Variants in PPP1R3B observed in about 807,000 individuals in gnomAD.
PPP1R3B encodes protein phosphatase 1 regulatory subunit 3B.
PPP1R3B carries 8 observed loss-of-function variants against 14.6 expected under a neutral mutation model. The observed-to-expected ratio is 0.55, with a 90% CI of 0.32 to 0.99. The LOEUF is 0.99. Among genes scored for constraint, PPP1R3B ranks in the 50% least tolerant of loss-of-function variants. PPP1R3B has a pLI of 0.04. For missense variants in PPP1R3B, 452 were observed against 360.1 expected (o/e 1.26, Z -2.07); for synonymous variants, 169 against 142.0 (o/e 1.19, Z -1.35).
rs1391328854 is a variant in PPP1R3B, at chr8:9,141,113, A to C, written c.539T>G (p.Val180Gly). The C allele has an allele frequency of 2.5e-6, 4 of 1,614,216 alleles. No individual in the cohort carries two copies. The highest frequency in any genetic ancestry group is 1.3e-5 in the African/African-American group (1 of 75,050). Reference sequence around the variant, plus strand: ...GTCTGAACCGGCATAAGTGTCCTTCACGTACTGACAAGGAAAGTCTGTGTA... The same window carrying C: ...GTCTGAACCGGCATAAGTGTCCTTCCCGTACTGACAAGGAAAGTCTGTGTA... ...KSYTDFPCQY[V>G]KDTYAGSDRD... Residue 180 changes from valine to glycine, a missense_variant, in exon 2 of 2, where the codon GTG (valine) becomes GGG (glycine). Val to Gly is a moderately radical substitution (Grantham distance 109). Coordinates refer to ENST00000310455, the MANE Select transcript of PPP1R3B (RefSeq NM_024607.4).
In PPP1R3B at chr8:9,136,568, T is replaced by C. The variant is rs1800895955; in HGVS notation, c.*4226A>G. On this transcript the variant is annotated 3_prime_UTR_variant, in exon 2 of 2. Coordinates refer to ENST00000310455, the MANE Select transcript of PPP1R3B (RefSeq NM_024607.4). ...AACAAGACTAAAAACATTCACGGCT[T>C]TACAATGTGGGTTACAGAGCTTTAC... 1 of 152,214 alleles carries C rather than the reference T, an allele frequency of 6.6e-6. No homozygotes were observed. Among genetic ancestry groups the C allele is most frequent in the South Asian group, 2.1e-4 (1 of 4,834 alleles). The allele number at this position is 152,214 out of a possible 1,614,324, so 9.4% of individuals were successfully genotyped here.
rs1340956116 is a variant in PPP1R3B, at chr8:9,137,977, A to C, written c.*2817T>G. The C allele has an allele frequency of 6.6e-6, 1 of 152,164 alleles. No homozygotes were observed. Among genetic ancestry groups the C allele is most frequent in the Non-Finnish European group, 1.5e-5 (1 of 68,028 alleles). 9.4% of individuals were successfully genotyped at this position (152,164 alleles called of 1,614,324 possible). A position where few individuals can be genotyped will look rare whatever the true frequency, so the allele number is the denominator to read the frequency against. On this transcript the variant is annotated 3_prime_UTR_variant, in exon 2 of 2. Coordinates refer to ENST00000310455, the MANE Select transcript of PPP1R3B (RefSeq NM_024607.4). ...CCATATTTCAAATTTTGACATGGGA[A>C]TGTCTTAAGATCATTATTAGATAAA...
At chr8:9,145,686 G>A (rs931858273) in intron 1 of PPP1R3B, among the ~76,000 whole-genome samples, 2 of 152,052 alleles carry the variant, frequency 1.3e-5, no homozygotes, top group Non-Finnish European at 2.9e-5. Flanking sequence ...AAAGACTAGA[G>A]ATATATATTT....
rs1335650360 is a variant in PPP1R3B, at chr8:9,136,326, C to T, written c.*4468G>A. ...CCAACCTCTCATACCACACAAAGAACATCCATTCTTGGGATTTTTAAAGTG... is the reference window on the plus strand; with the variant it reads ...CCAACCTCTCATACCACACAAAGAATATCCATTCTTGGGATTTTTAAAGTG... On this transcript the variant is annotated 3_prime_UTR_variant, in exon 2 of 2. Transcript: ENST00000310455. The T allele has an allele frequency of 6.6e-6, 1 of 152,212 alleles. No individual in the cohort carries two copies. Among genetic ancestry groups the T allele is most frequent in the African/African-American group, 2.4e-5 (1 of 41,458 alleles). The allele number at this position is 152,212 out of a possible 1,614,324, so 9.4% of individuals were successfully genotyped here.
chr8:9,142,906 C>T (rs1313671537), intron 1 of PPP1R3B, among the ~76,000 whole-genome samples: 1 of 152,198 alleles, frequency 6.6e-6, no homozygotes, highest in Non-Finnish European at 1.5e-5. Flanking sequence ...ATTCACTCAT[C>T]CAATGATGGG....
In PPP1R3B at chr8:9,138,371, A is replaced by G. The variant is rs1016669754; in HGVS notation, c.*2423T>C. ...AGAGTGTTACCCACCTGGGAGAGGTACAAAAAACAAAGCATTAGATTTCAG... is the reference window on the plus strand; with the variant it reads ...AGAGTGTTACCCACCTGGGAGAGGTGCAAAAAACAAAGCATTAGATTTCAG... On this transcript the variant is annotated 3_prime_UTR_variant, in exon 2 of 2. Coordinates refer to ENST00000310455, the MANE Select transcript of PPP1R3B (RefSeq NM_024607.4). The G allele has an allele frequency of 5.3e-5, 8 of 152,250 alleles. No individual in the cohort carries two copies. The highest frequency in any genetic ancestry group is 1.9e-4 in the African/African-American group (8 of 41,450). The allele number at this position is 152,250 out of a possible 1,614,324, so 9.4% of individuals were successfully genotyped here.
rs968321631 is a variant in PPP1R3B at position 9,136,761 on chromosome 8, G to C, written c.*4033C>G. ...TCTCCGATTTCAGTGAACATGTCAG[G>C]AGAGACGTGATCGGGACTCTCCCAG... On this transcript the variant is annotated 3_prime_UTR_variant, in exon 2 of 2. Coordinates refer to ENST00000310455, the MANE Select transcript of PPP1R3B (RefSeq NM_024607.4). The C allele has an allele frequency of 6.6e-6, 1 of 152,202 alleles. No individual in the cohort carries two copies. The highest frequency in any genetic ancestry group is 1.5e-5 in the Non-Finnish European group (1 of 68,034). 9.4% of individuals were successfully genotyped at this position (152,202 alleles called of 1,614,324 possible).
chr8:9,143,378 G>C (rs1801147544), intron 1 of PPP1R3B, among the ~76,000 whole-genome samples: 2 of 152,142 alleles, frequency 1.3e-5, no homozygotes, highest in South Asian at 4.1e-4. Flanking sequence ...GTTTATGGTA[G>C]GTTTTTAAAT....
chr8:9,146,761 C>A (rs1359149648), intron 1 of PPP1R3B, among the ~76,000 whole-genome samples: 1 of 151,990 alleles, frequency 6.6e-6, no homozygotes, highest in Non-Finnish European at 1.5e-5. Flanking sequence ...ATGATCTGTT[C>A]TTATAGCCAC....
At chr8:9,145,800 C>T (rs1801224090) in intron 1 of PPP1R3B, among the ~76,000 whole-genome samples, 1 of 152,124 alleles carries the variant, frequency 6.6e-6, no homozygotes, top group Non-Finnish European at 1.5e-5. Flanking sequence ...ACAAAATGAA[C>T]CTAAAAAAAA....
chr8:9,140,941 T>A lies in PPP1R3B; in HGVS notation c.711A>T (p.Leu237Phe), dbSNP rs1163537922. The change falls in exon 2 of 2, where the codon TTA (leucine) becomes TTT (phenylalanine). Residue 237 changes from leucine (L) to phenylalanine (F), a missense_variant. Physicochemically the swap from Leu to Phe is conservative, Grantham distance 22 (BLOSUM62 0). Transcript: ENST00000310455. The stretch of plus-strand genomic sequence containing the variant: ...GCTTGGTCATTCCCTGGGTAGATTT[T>A]AACTCAGCCCGGATGATCCTATAGT... ...GKNYRIIRAE[L>F]KSTQGMTKPH... is the part of the protein sequence containing the mutation. The A allele has an allele frequency of 6.2e-7, 1 of 1,614,116 alleles. No individual in the cohort carries two copies. The highest frequency in any genetic ancestry group is 1.3e-5 in the African/African-American group (1 of 74,942).
At chr8:9,144,635 G>A (rs182900383) in intron 1 of PPP1R3B, among the ~76,000 whole-genome samples, 67 of 152,310 alleles carry the variant, frequency 4.4e-4, no homozygotes, top group African/African-American at 1.6e-3. Context: ...AATGTTCAAT[G>A]CCACATTATA....
At position 9,140,680 on chromosome 8, in the gene PPP1R3B, C is replaced by T. The variant is rs891888878; in HGVS notation, c.*114G>A. 4.0e-5 allele frequency: 44 copies of T among 1,099,646 alleles called. No individual in the cohort carries two copies. Among genetic ancestry groups the T allele is most frequent in the Middle Eastern group, 5.9e-4 (2 of 3,418 alleles). The allele number at this position is 1,099,646 out of a possible 1,614,324, so 68.1% of individuals were successfully genotyped here. On this transcript the variant is annotated 3_prime_UTR_variant, in exon 2 of 2. Transcript: ENST00000310455. ...AAGAGGATCCTTTTATTTTCCCAAA[C>T]GGGGCCTCATGGAAGTTCCACGTTG...
chr8:9,142,537 ACT>A (rs1801121473), intron 1 of PPP1R3B, among the ~76,000 whole-genome samples: 1 of 152,058 alleles, frequency 6.6e-6, no homozygotes, highest in South Asian at 2.1e-4. Context: ...CTTAAAATCC[ACT>A]CTCAGCAATT....
Position 9,141,311 on chromosome 8 carries a change from A to G in PPP1R3B, c.341T>C (p.Phe114Ser). 6.2e-7 allele frequency: 1 copy of G among 1,614,198 alleles called. No individual in the cohort carries two copies. Residue 114 changes from phenylalanine to serine, a missense_variant, in exon 2 of 2, where the codon TTT becomes TCT. Transcript: ENST00000310455. ...TAESESFVLD[F>S]SQPSADYLDF... ...TAAGTAATCTGCAGAGGGCTGGGAA[A>G]AATCCAGAACAAAGCTCTCGCTCTC...
rs1205586181 is a variant in PPP1R3B, at chr8:9,138,623, A to T, written c.*2171T>A. ...AGGTCTTTTCAAATTAATCTGGAAA[A>T]TCCAAGCACAAGACTCTTAGCTTGA... On this transcript the variant is annotated 3_prime_UTR_variant, in exon 2 of 2. Coordinates refer to ENST00000310455, the MANE Select transcript of PPP1R3B (RefSeq NM_024607.4). 1 of 152,174 alleles carries T rather than the reference A, an allele frequency of 6.6e-6. No individual in the cohort carries two copies. Among genetic ancestry groups the T allele is most frequent in the East Asian group, 1.9e-4 (1 of 5,194 alleles). The allele number at this position is 152,174 out of a possible 1,614,324, so 9.4% of individuals were successfully genotyped here.
intron 1 of PPP1R3B, among the ~76,000 whole-genome samples, chr8:9,147,628 C>A (rs114186560): frequency 3.6e-4 from 55 of 152,104 alleles, no homozygotes; most frequent in African/African-American, 1.3e-3. Context: ...AGTTCTAATC[C>A]CGCAGGCTGA....
chr8:9,149,718 C>G (rs1241197047), intron 1 of PPP1R3B, among the ~76,000 whole-genome samples: 2 of 152,242 alleles, frequency 1.3e-5, no homozygotes, highest in African/African-American at 4.8e-5. Context: ...ATGTCTTTCC[C>G]CTTTGTACTC....
intron 1 of PPP1R3B, among the ~76,000 whole-genome samples, chr8:9,143,764 G>T (rs1801157611): frequency 1.3e-5 from 2 of 152,098 alleles, no homozygotes; most frequent in South Asian, 2.1e-4. Flanking sequence ...TAACATAGGT[G>T]AATATTTGTT....
Sources: allele counts gnomAD v4.1 joint callset (sites outside exome capture counted in the v4.1 genomes callset), GRCh38; gene constraint gnomAD v4.1.1; transcripts MANE v1.5; gene names NCBI Gene and HGNC (gene_info 2026-07-23, HGNC 2026-07-21).